Variants in ST6GALNAC3 observed in about 807,000 individuals in gnomAD.
ST6GALNAC3 encodes alpha-N-acetylgalactosaminide alpha-2,6-sialyltransferase 3.
In ST6GALNAC3, 25 loss-of-function variants were observed where a neutral mutation model predicts 32.7. The observed-to-expected ratio is 0.76, with a 90% CI of 0.56 to 1.07. The LOEUF is 1.07. Ranked by LOEUF, ST6GALNAC3 falls within the 50% of genes least tolerant of loss-of-function variation. The probability of loss-of-function intolerance (pLI) is 0.00; values close to 1 mark genes in which losing one functional copy is unlikely to be tolerated. For synonymous variants in ST6GALNAC3, 129 were observed against 133.1 expected, an observed-to-expected ratio of 0.97 and a Z score of 0.21; for missense variants, 355 against 382.4, an observed-to-expected ratio of 0.93 and a Z score of 0.60.
At chr1:76,425,431 T>A (rs1273503910) in intron 3 of ST6GALNAC3, among the ~76,000 whole-genome samples, 1 of 151,944 alleles carries the variant, frequency 6.6e-6, no homozygotes, top group Non-Finnish European at 1.5e-5. Flanking sequence ...GCAGAGCTTT[T>A]ATTTTGGTTT....
chr1:76,313,961 C>G lies in ST6GALNAC3; in HGVS notation c.175C>G (p.Arg59Gly). 1 of 1,613,160 alleles carries G rather than the reference C, an allele frequency of 6.2e-7. No homozygotes were observed. Among genetic ancestry groups the G allele is most frequent in the Non-Finnish European group, 8.5e-7 (1 of 1,179,474 alleles). Reference sequence around the variant, plus strand: ...CTCCTACACATACAGGCGGCCCCTTCGAACTCACTATGGATACATAAATGT... The same window carrying G: ...CTCCTACACATACAGGCGGCCCCTTGGAACTCACTATGGATACATAAATGT... ...PFSYTYRRPL[R>G]THYGYINVKT... Residue 59 changes from arginine to glycine, a missense_variant, in exon 2 of 5, where the codon CGA becomes GGA. Transcript: ENST00000328299.
rs536876554 is a variant in ST6GALNAC3 at position 76,589,625 on chromosome 1, G to A, written c.624-37827G>A. On this transcript the variant is annotated intron_variant, in intron 3 of 4. Transcript: ENST00000328299. Reference sequence around the variant, plus strand: ...ATTAATATGATGCAACATGTCAGGTGGGGGAACTGACTCCTCAGAGCTCTA... The same window carrying A: ...ATTAATATGATGCAACATGTCAGGTAGGGGAACTGACTCCTCAGAGCTCTA... Among the ~76,000 whole-genome samples the A allele has an allele frequency of 2.0e-5, 3 of 151,942 alleles. No individual in the cohort carries two copies. In the East Asian group the frequency reaches 5.9e-4, roughly 30 times the overall value.
chr1:76,207,556 C>T (rs1420641127), intron 1 of ST6GALNAC3, among the ~76,000 whole-genome samples: 1 of 152,216 alleles, frequency 6.6e-6, no homozygotes, highest in African/African-American at 2.4e-5. Flanking sequence ...AGACAGAAGG[C>T]ATCACGTGGC....
chr1:76,355,210 T>C (rs9437429), intron 2 of ST6GALNAC3, among the ~76,000 whole-genome samples: 32,341 of 152,114 alleles, frequency 0.21, 3,839 homozygotes, highest in Non-Finnish European at 0.27. Context: ...CACAAGCTTA[T>C]TACTAAGCAG....
chr1:76,437,245 A>G (rs1450539780), intron 3 of ST6GALNAC3, among the ~76,000 whole-genome samples: 1 of 152,146 alleles, frequency 6.6e-6, no homozygotes, highest in Non-Finnish European at 1.5e-5. Flanking sequence ...AGCCCCATCT[A>G]ACAGAAGAGA....
intron 3 of ST6GALNAC3, among the ~76,000 whole-genome samples, chr1:76,515,131 A>G (rs1662096655): frequency 2.0e-5 from 3 of 152,184 alleles, no homozygotes; most frequent in Admixed American, 2.0e-4. Context: ...CAGTGAAGCC[A>G]TCAGGCTGGG....
At chr1:76,461,116 A>G (rs1315773329) in intron 3 of ST6GALNAC3, among the ~76,000 whole-genome samples, 3 of 152,190 alleles carry the variant, frequency 2.0e-5, no homozygotes, top group Non-Finnish European at 4.4e-5. Context: ...CTGGGAGTGC[A>G]GATTGGTCAT....
intron 2 of ST6GALNAC3, among the ~76,000 whole-genome samples, chr1:76,319,849 C>T (rs1409829070): frequency 6.6e-6 from 1 of 152,140 alleles, no homozygotes; most frequent in African/African-American, 2.4e-5. Flanking sequence ...GTTCTGACAG[C>T]CCCACCCCTA....
chr1:76,503,819 G>A (rs1252695596), intron 3 of ST6GALNAC3, among the ~76,000 whole-genome samples: 2 of 152,186 alleles, frequency 1.3e-5, no homozygotes, highest in Non-Finnish European at 1.5e-5. Flanking sequence ...TCTTCCAGAA[G>A]GCTTCCCTGA....
At chr1:76,469,440 G>A (rs917270721) in intron 3 of ST6GALNAC3, among the ~76,000 whole-genome samples, 1 of 152,052 alleles carries the variant, frequency 6.6e-6, no homozygotes, top group Non-Finnish European at 1.5e-5. Context: ...AATTTATCAA[G>A]TAATTCACAA....
intron 1 of ST6GALNAC3, among the ~76,000 whole-genome samples, chr1:76,232,997 C>G (rs2100643300): frequency 6.6e-6 from 1 of 152,280 alleles, no homozygotes; most frequent in South Asian, 2.1e-4. Context: ...CTCTGAGACA[C>G]AGGTACATGA....
intron 1 of ST6GALNAC3, among the ~76,000 whole-genome samples, chr1:76,207,861 G>A (rs1654907869): frequency 6.6e-6 from 1 of 152,258 alleles, no homozygotes; most frequent in South Asian, 2.1e-4. Flanking sequence ...ATTCTTTACT[G>A]GCTGTTAGAT....
intron 1 of ST6GALNAC3, among the ~76,000 whole-genome samples, chr1:76,209,960 A>G (rs1022520332): frequency 6.6e-6 from 1 of 152,172 alleles, no homozygotes; most frequent in African/African-American, 2.4e-5. Flanking sequence ...CGTTGTCTCC[A>G]GGGGCTCCAA....
chr1:76,567,352 G>A (rs1173646568), intron 3 of ST6GALNAC3, among the ~76,000 whole-genome samples: 1 of 151,982 alleles, frequency 6.6e-6, no homozygotes, highest in Non-Finnish European at 1.5e-5. Context: ...TGATATAACT[G>A]GCAAAGTAAG....
intron 3 of ST6GALNAC3, among the ~76,000 whole-genome samples, chr1:76,507,380 T>C (rs1661543252): frequency 6.6e-6 from 1 of 152,126 alleles, no homozygotes; most frequent in Non-Finnish European, 1.5e-5. Flanking sequence ...TCACAATCAA[T>C]TTTAGGACAC....
downstream of ST6GALNAC3, chr1:76,637,159 T>G (rs1484488387): frequency 6.6e-6 from 1 of 152,234 alleles, no homozygotes; most frequent in Non-Finnish European, 1.5e-5. Flanking sequence ...ATAACACTTT[T>G]CAAATATGCC....
intron 1 of ST6GALNAC3, among the ~76,000 whole-genome samples, chr1:76,161,365 T>C (rs1384235586): frequency 6.6e-6 from 1 of 152,196 alleles, no homozygotes. Flanking sequence ...GGTTTTCGAT[T>C]TGTCGGAGGT....
intron 1 of ST6GALNAC3, among the ~76,000 whole-genome samples, chr1:76,229,174 C>A (rs970825817): frequency 6.6e-6 from 1 of 152,162 alleles, no homozygotes; most frequent in East Asian, 1.9e-4. Flanking sequence ...AGAAAGCTAG[C>A]CTGCCATGAG....
chr1:76,625,624 T>G (rs1435669097), intron 3 of ST6GALNAC3, among the ~76,000 whole-genome samples: 4 of 151,934 alleles, frequency 2.6e-5, no homozygotes, highest in African/African-American at 9.7e-5. Context: ...TAAGGGCTTT[T>G]TAAGCAGATG....
Sources: gnomAD v4.1 joint callset for allele counts (sites outside exome capture counted in the v4.1 genomes callset) on GRCh38, gnomAD v4.1.1 for gene constraint, MANE v1.5 for transcripts, NCBI Gene and HGNC (gene_info 2026-07-23, HGNC 2026-07-21) for gene names.